BCAR3: variants seen among roughly 807,000 people sequenced by gnomAD.
The protein encoded by BCAR3 is breast cancer anti-estrogen resistance protein 3.
A neutral mutation model predicts 80.1 loss-of-function variants in BCAR3; 37 were observed. The ratio of observed to expected loss-of-function variants is 0.46; its 90% CI spans 0.36 to 0.61. BCAR3 has a LOEUF of 0.61. Among genes scored for constraint, BCAR3 ranks in the 20% least tolerant of loss-of-function variants. BCAR3 has a pLI of 0.00. For synonymous variants in BCAR3, 389 were observed against 418.9 expected (o/e 0.93, Z 0.87); for missense variants, 978 against 1,068.2 (o/e 0.92, Z 1.18).
chr1:93,667,216 G>A (rs984302033), intron 2 of BCAR3, among the ~76,000 whole-genome samples: 10 of 152,234 alleles, frequency 6.6e-5, no homozygotes, highest in Non-Finnish European at 5.9e-5. Flanking sequence ...TTTGAGCCAG[G>A]CGTCCCAGCA....
At chr1:93,833,523 A>C (rs1345390124) in intron 2 of BCAR3, among the ~76,000 whole-genome samples, 1 of 152,186 alleles carries the variant, frequency 6.6e-6, no homozygotes, top group African/African-American at 2.4e-5. Flanking sequence ...CTTATCTACA[A>C]CTGCATAAGA....
chr1:93,838,884 G>C (rs1358798187), intron 2 of BCAR3, among the ~76,000 whole-genome samples: 1 of 152,166 alleles, frequency 6.6e-6, no homozygotes, highest in Non-Finnish European at 1.5e-5. Context: ...CCAAAAAATA[G>C]TGAAATAGTG....
intron 2 of BCAR3, among the ~76,000 whole-genome samples, chr1:93,732,653 A>C (rs1244572280): frequency 2.0e-5 from 3 of 152,140 alleles, no homozygotes; most frequent in Non-Finnish European, 4.4e-5. Context: ...AAAGAAAAGA[A>C]AAGGAAGATC....
intron 2 of BCAR3, among the ~76,000 whole-genome samples, chr1:93,814,159 T>A (rs191381290): frequency 9.2e-5 from 14 of 152,368 alleles, no homozygotes; most frequent in Admixed American, 5.2e-4. Flanking sequence ...AGGCAGTAAA[T>A]GGCCTCTTGG....
intron 2 of BCAR3, among the ~76,000 whole-genome samples, chr1:93,673,305 C>A (rs984037917): frequency 6.6e-6 from 1 of 152,196 alleles, no homozygotes; most frequent in African/African-American, 2.4e-5. Flanking sequence ...CATATTTCCA[C>A]CACCCTATAA....
At chr1:93,767,088 T>C (rs905789389) in intron 2 of BCAR3, among the ~76,000 whole-genome samples, 4 of 152,308 alleles carry the variant, frequency 2.6e-5, no homozygotes, top group Admixed American at 6.5e-5. Context: ...TTGAAGTAGT[T>C]GACTGATTTT....
At chr1:93,570,484 T>G (rs1441658458) in intron 9 of BCAR3, among the ~76,000 whole-genome samples, 1 of 152,194 alleles carries the variant, frequency 6.6e-6, no homozygotes, top group African/African-American at 2.4e-5. Context: ...AGCCTGACTT[T>G]CCTCTATGAG....
At chr1:93,836,652 T>C (rs1654778843) in intron 2 of BCAR3, among the ~76,000 whole-genome samples, 2 of 152,116 alleles carry the variant, frequency 1.3e-5, no homozygotes, top group South Asian at 4.1e-4. Context: ...TTTCATTTTA[T>C]TTTTCTTATT....
intron 2 of BCAR3, among the ~76,000 whole-genome samples, chr1:93,807,211 G>T (rs965135053): frequency 2.6e-5 from 4 of 152,096 alleles, no homozygotes; most frequent in Non-Finnish European, 4.4e-5. Context: ...TCCACTGAAG[G>T]TTCACTGAAA....
chr1:93,638,701 C>T (rs1675880753), intron 3 of BCAR3, among the ~76,000 whole-genome samples: 1 of 152,132 alleles, frequency 6.6e-6, no homozygotes, highest in South Asian at 2.1e-4. Flanking sequence ...GAAGGTGGAG[C>T]CACTCTGGAG....
At chr1:93,634,720 C>CAAAA (rs71588503) in intron 3 of BCAR3, among the ~76,000 whole-genome samples, 7 of 129,510 alleles carry the variant, frequency 5.4e-5, no homozygotes, top group Non-Finnish European at 6.6e-5. Context: ...ACAACAACAA[C>CAAAA]AAAAAAAAAA....
chr1:93,841,874 T>C (rs1159555015), intron 2 of BCAR3, among the ~76,000 whole-genome samples: 2 of 152,210 alleles, frequency 1.3e-5, no homozygotes, highest in East Asian at 3.9e-4. Context: ...TTAAACACTG[T>C]GCACTGAACT....
chr1:93,754,989 C>T (rs1651695928), intron 2 of BCAR3, among the ~76,000 whole-genome samples: 2 of 152,110 alleles, frequency 1.3e-5, no homozygotes, highest in South Asian at 2.1e-4. Flanking sequence ...GGAGGTGAAA[C>T]ACAGTGATGC....
intron 2 of BCAR3, among the ~76,000 whole-genome samples, chr1:93,822,529 G>A (rs1489278101): frequency 6.6e-6 from 1 of 152,060 alleles, no homozygotes; most frequent in Non-Finnish European, 1.5e-5. Flanking sequence ...AGTAGAGATG[G>A]GGTTTTGCCA....
intron 2 of BCAR3, among the ~76,000 whole-genome samples, chr1:93,772,449 C>G (rs1295458220): frequency 6.6e-6 from 1 of 152,154 alleles, no homozygotes; most frequent in African/African-American, 2.4e-5. Flanking sequence ...GCAACAGAGC[C>G]TTTTCTATAG....
At chr1:93,694,342 A>G (rs1649307192) in intron 3 of BCAR3, among the ~76,000 whole-genome samples, 1 of 152,064 alleles carries the variant, frequency 6.6e-6, no homozygotes. Context: ...CTTTCCAGGG[A>G]CTGACGCCCT....
At chr1:93,750,823 C>T (rs1224456807) in intron 2 of BCAR3, among the ~76,000 whole-genome samples, 1 of 152,214 alleles carries the variant, frequency 6.6e-6, no homozygotes, top group Non-Finnish European at 1.5e-5. Flanking sequence ...CAGGTTCCAA[C>T]AGTCAAGATA....
At chr1:93,807,032 G>A (rs1229030224) in intron 2 of BCAR3, among the ~76,000 whole-genome samples, 1 of 151,930 alleles carries the variant, frequency 6.6e-6, no homozygotes, top group African/African-American at 2.4e-5. Flanking sequence ...TTGAGCCCAG[G>A]ATATCAAGGC....
At chr1:93,781,618 G>C (rs144649772) in intron 2 of BCAR3, among the ~76,000 whole-genome samples, 1 of 152,094 alleles carries the variant, frequency 6.6e-6, no homozygotes, top group African/African-American at 2.4e-5. Flanking sequence ...CCTGCCTGAG[G>C]TCGCACAACT....
Sources: allele counts gnomAD v4.1 joint callset (sites outside exome capture counted in the v4.1 genomes callset), GRCh38; gene constraint gnomAD v4.1.1; transcripts MANE v1.5; gene names NCBI Gene and HGNC (gene_info 2026-07-23, HGNC 2026-07-21).